RHOBTB1: variants seen among roughly 807,000 people sequenced by gnomAD.
RHOBTB1 encodes the protein Rho related BTB domain containing 1, also known as rho-related BTB domain-containing protein 1.
In RHOBTB1, 40 loss-of-function variants were observed where a neutral mutation model predicts 71.6. That is an observed-to-expected ratio of 0.56 (90% CI 0.43 to 0.73). The LOEUF (loss-of-function observed/expected upper bound fraction) is 0.73. RHOBTB1 is among the 30% of genes least tolerant of loss of function. RHOBTB1 has a pLI of 0.00. For synonymous variants in RHOBTB1, 319 were observed against 334.9 expected (o/e 0.95, Z 0.52); for missense variants, 797 against 894.0 (o/e 0.89, Z 1.38).
rs182456274 is a variant in RHOBTB1 at position 60,989,872 on chromosome 10, G to A, written c.-162-3927C>T. ...TGACATTTATTTACCCTGGCTGTAG[G>A]AGCACCACTGATGGGAGAAACAGGT... On this transcript the variant is annotated intron_variant, in intron 1 of 11. Transcript: ENST00000357917. 4.1e-3 allele frequency among the ~76,000 whole-genome samples: 621 copies of A among 152,146 alleles called. 1 individual carries two copies. The highest frequency in any genetic ancestry group is 6.8e-3 in the Non-Finnish European group (462 of 67,992).
chr10:60,954,792 T>G (rs2085529106), intron 2 of RHOBTB1, among the ~76,000 whole-genome samples: 1 of 152,112 alleles, frequency 6.6e-6, no homozygotes, highest in Non-Finnish European at 1.5e-5. Flanking sequence ...TTTCCCAAAG[T>G]GTGTTCTGTT....
At chr10:60,881,987 A>G (rs1259971850) in intron 7 of RHOBTB1, among the ~76,000 whole-genome samples, 1 of 152,222 alleles carries the variant, frequency 6.6e-6, no homozygotes, top group Admixed American at 6.5e-5. Flanking sequence ...ACATTAAATT[A>G]GAATAAACTA....
At chr10:60,985,545 A>G (rs1281151579) in intron 2 of RHOBTB1, among the ~76,000 whole-genome samples, 2 of 152,220 alleles carry the variant, frequency 1.3e-5, no homozygotes, top group Non-Finnish European at 2.9e-5. Flanking sequence ...TACGCACTAA[A>G]GAATTTTAAC....
chr10:60,914,321 G>A (rs995640378), intron 2 of RHOBTB1, among the ~76,000 whole-genome samples: 2 of 152,022 alleles, frequency 1.3e-5, no homozygotes, highest in South Asian at 2.1e-4. Flanking sequence ...AACCCTCTTC[G>A]ACAAGTTTCT....
intron 2 of RHOBTB1, among the ~76,000 whole-genome samples, chr10:60,922,775 T>C (rs1256259383): frequency 6.6e-6 from 1 of 152,178 alleles, no homozygotes; most frequent in Non-Finnish European, 1.5e-5. Context: ...GAACAAAGTA[T>C]GGAAAAAGAT....
At chr10:60,874,830 C>G (rs900246656) in intron 9 of RHOBTB1, 124 bp downstream of exon 9, 25 of 709,618 alleles carry the variant, frequency 3.5e-5, no homozygotes, top group South Asian at 1.3e-4. Context: ...TTAGTGTACA[C>G]AGGGGGACTC....
intron 2 of RHOBTB1, among the ~76,000 whole-genome samples, chr10:60,930,735 T>G (rs1290911777): frequency 5.9e-5 from 9 of 152,180 alleles, no homozygotes; most frequent in Non-Finnish European, 1.3e-4. Flanking sequence ...CTCTGGAGTC[T>G]CACCTTTCAT....
At chr10:60,928,902 T>A (rs1218260748) in intron 2 of RHOBTB1, among the ~76,000 whole-genome samples, 2 of 152,124 alleles carry the variant, frequency 1.3e-5, no homozygotes, top group Non-Finnish European at 2.9e-5. Flanking sequence ...AAAAGAGGTG[T>A]AGCTGACTCA....
At chr10:60,931,225 A>G (rs2084233439) in intron 2 of RHOBTB1, among the ~76,000 whole-genome samples, 1 of 152,152 alleles carries the variant, frequency 6.6e-6, no homozygotes, top group Non-Finnish European at 1.5e-5. Context: ...AAAGTATACA[A>G]TTCAGTGGTG....
intron 2 of RHOBTB1, among the ~76,000 whole-genome samples, chr10:60,938,008 T>C (rs1160026796): frequency 6.6e-6 from 1 of 152,206 alleles, no homozygotes; most frequent in Non-Finnish European, 1.5e-5. Flanking sequence ...TTCACCGAAG[T>C]TGCATAGTTA....
chr10:60,931,256 G>C (rs77701118), intron 2 of RHOBTB1, among the ~76,000 whole-genome samples: 1 of 152,136 alleles, frequency 6.6e-6, no homozygotes, highest in African/African-American at 2.4e-5. Context: ...TAACAGGGTT[G>C]TGCAACCATT....
At chr10:60,916,094 T>C (rs912134175) in intron 2 of RHOBTB1, among the ~76,000 whole-genome samples, 14 of 152,224 alleles carry the variant, frequency 9.2e-5, no homozygotes, top group African/African-American at 3.1e-4. Flanking sequence ...GTGAAATCTA[T>C]TTCCCTTCCT....
chr10:60,870,484 AGAAGCCTGAG>A lies in RHOBTB1; in HGVS notation c.*988_*997del, dbSNP rs901389020. 6.6e-6 allele frequency: 1 copy of A among 152,228 alleles called. No homozygotes were observed. Among genetic ancestry groups the A allele is most frequent in the African/African-American group, 2.4e-5 (1 of 41,458 alleles). 9.4% of individuals were successfully genotyped at this position (152,228 alleles called of 1,614,324 possible). ...TACAAAGTGAAGTTGGCCACAGGTG[AGAAGCCTGAG>A]GAAGCCTGTTTCTGGTGGTGAGATG... On this transcript the variant is annotated 3_prime_UTR_variant, in exon 11 of 11. Transcript: ENST00000337910.
chr10:60,904,162 A>AT, intron 4 of RHOBTB1, among the ~76,000 whole-genome samples: 1 of 151,992 alleles, frequency 6.6e-6, no homozygotes, highest in Non-Finnish European at 1.5e-5. Context: ...GGCCAGGCTG[A>AT]TCTCAAACAC....
chr10:60,986,430 TAAA>T (rs1554860071), intron 1 of RHOBTB1, among the ~76,000 whole-genome samples: 36 of 136,868 alleles, frequency 2.6e-4, no homozygotes, highest in Middle Eastern at 4.1e-3. Flanking sequence ...TATATATATA[TAAA>T]ATATATATAG....
At chr10:60,872,946 G>A (rs2080871926) in intron 9 of RHOBTB1, among the ~76,000 whole-genome samples, 1 of 152,148 alleles carries the variant, frequency 6.6e-6, no homozygotes, top group African/African-American at 2.4e-5. Context: ...TGGGCCTGCT[G>A]CGATCCCTCA....
intron 2 of RHOBTB1, among the ~76,000 whole-genome samples, chr10:60,914,239 A>G (rs753571584): frequency 2.6e-5 from 4 of 152,170 alleles, no homozygotes; most frequent in Non-Finnish European, 4.4e-5. Flanking sequence ...AGAAGATAAT[A>G]GAGTTGGAAA....
In RHOBTB1 at chr10:60,875,540, T is replaced by C. The variant is rs374639064; in HGVS notation, c.1727-498A>G. On this transcript the variant is annotated intron_variant, in intron 8 of 10. Coordinates refer to ENST00000337910, the MANE Select transcript of RHOBTB1 (RefSeq NM_014836.5). ...CACCTTCCTAGAGTCCTCTAGACTT[T>C]AGACACGTTCCTGTTTGACAGTTTC... Among the ~76,000 whole-genome samples the C allele has an allele frequency of 3.3e-5, 5 of 152,306 alleles. No homozygotes were observed. The East Asian group carries it at 9.7e-4, about 29-fold the overall frequency.
intron 2 of RHOBTB1, among the ~76,000 whole-genome samples, chr10:60,935,017 T>G (rs934037894): frequency 6.6e-6 from 1 of 152,202 alleles, no homozygotes; most frequent in Middle Eastern, 3.2e-3. Flanking sequence ...TTGTTTTGTT[T>G]TGCATACTGC....
Sources: allele counts gnomAD v4.1 joint callset (sites outside exome capture counted in the v4.1 genomes callset), GRCh38; gene constraint gnomAD v4.1.1; transcripts MANE v1.5; gene names NCBI Gene and HGNC (gene_info 2026-07-23, HGNC 2026-07-21).